INPP5J: variants seen among roughly 807,000 people sequenced by gnomAD.
INPP5J encodes inositol polyphosphate-5-phosphatase J, also known as phosphatidylinositol 4,5-bisphosphate 5-phosphatase A.
A neutral mutation model predicts 86.6 loss-of-function variants in INPP5J; 75 were observed. The ratio of observed to expected loss-of-function variants is 0.87; its 90% confidence interval spans 0.72 to 1.05. INPP5J has a LOEUF of 1.05. Among genes scored for constraint, INPP5J ranks in the 50% least tolerant of loss-of-function variants. The probability of loss-of-function intolerance (pLI) is 0.00; values close to 1 mark genes in which losing one functional copy is unlikely to be tolerated. For synonymous variants in INPP5J, 540 were observed against 550.0 expected (o/e 0.98, Z 0.25); for missense variants, 1,229 against 1,341.2 (o/e 0.92, Z 1.31).
At chr22:31,132,168 G>A (rs574463549) in intron 9 of INPP5J, among the ~76,000 whole-genome samples, 2 of 152,312 alleles carry the variant, frequency 1.3e-5, no homozygotes, top group South Asian at 4.1e-4. Context: ...TGAACCTTGG[G>A]ATGGTTAGAG....
chr22:31,125,884 G>A lies in INPP5J; in HGVS notation c.1145G>A (p.Arg382Lys), dbSNP rs1223955282. ...GGCACACAGAGTACAGGGCCTGGCA[G>A]GTGCCTGAGCCCCAACCTTCAGGCC... is the stretch of plus-strand genomic sequence containing the variant. ...RLGTQSTGPG[R>K]CLSPNLQAQE... The change falls in exon 2 of 13, where the codon AGG (arginine) becomes AAG (lysine). Residue 382 changes from arginine to lysine, a missense_variant. Transcript: ENST00000331075. 2.5e-6 allele frequency: 4 copies of A among 1,611,222 alleles called. No homozygotes were observed. Among genetic ancestry groups the A allele is most frequent in the Non-Finnish European group, 3.4e-6 (4 of 1,178,266 alleles).
In INPP5J at chr22:31,134,409, T is replaced by C; in HGVS notation, c.3011T>C (p.Leu1004Pro). Residue 1004 changes from leucine (L) to proline (P), a missense_variant, in exon 13 of 13, where the codon CTG (leucine) becomes CCG (proline). Coordinates refer to ENST00000331075, the MANE Select transcript of INPP5J (RefSeq NM_001284285.2). Reference protein sequence around the residue: ...QGHRGLEEGGLGP With the variant: ...QGHRGLEEGGPGP ...CATCGGGGGCTGGAGGAAGGGGGCC[T>C]GGGGCCCTGAGGGTGGGGTAGGCAG... 1 of 1,459,620 alleles carries C rather than the reference T, an allele frequency of 6.9e-7. No homozygotes were observed. The highest frequency in any genetic ancestry group is 2.5e-5 in the East Asian group (1 of 40,524). 90.4% of individuals were successfully genotyped at this position (1,459,620 alleles called of 1,614,324 possible). A position where few individuals can be genotyped will look rare whatever the true frequency, so the allele number is the denominator to read the frequency against.
chr22:31,125,379 C>G lies in INPP5J; in HGVS notation c.640C>G (p.Gln214Glu). Residue 214 changes from glutamine to glutamate, a missense_variant, in exon 2 of 13, where the codon CAG (glutamine) becomes GAG (glutamate). By Grantham distance (29) the Gln-to-Glu change is conservative. Transcript: ENST00000331075. ...PVPSPVLSPTQEQALAPASTA... is the reference protein window; with the variant it reads ...PVPSPVLSPTEEQALAPASTA... ...GCCCAGTCCAGTTCTGTCTCCAACT[C>G]AGGAACAGGCCCTGGCTCCAGCATC... 9.7e-6 allele frequency: 15 copies of G among 1,550,618 alleles called. No individual in the cohort carries two copies. The highest frequency in any genetic ancestry group is 1.2e-5 in the Non-Finnish European group (14 of 1,147,002).
At position 31,125,953 on chromosome 22, in the gene INPP5J, C is replaced by T; in HGVS notation, c.1214C>T (p.Thr405Ile). 1 of 1,609,440 alleles carries T rather than the reference C, an allele frequency of 6.2e-7. No individual in the cohort carries two copies. Among genetic ancestry groups the T allele is most frequent in the Non-Finnish European group, 8.5e-7 (1 of 1,176,676 alleles). ...GTCACCACCTCCTCTTCTACATCCA[C>T]CCTGTCATCCTCCCCTTGGTCAGCT... Reference protein sequence around the residue: ...APVTTSSSTSTLSSSPWSAQP... With the variant: ...APVTTSSSTSILSSSPWSAQP... The change falls in exon 2 of 13, where the codon ACC (threonine) becomes ATC (isoleucine). Residue 405 changes from threonine (T) to isoleucine (I), a missense_variant. Transcript: ENST00000331075.
chr22:31,124,009 AG>A (rs1326927440), intron 1 of INPP5J: 6 of 152,302 alleles, frequency 3.9e-5, no homozygotes, highest in Admixed American at 3.3e-4. Flanking sequence ...ACACTTGGTG[AG>A]GATGGACTAT....
Position 31,125,515 on chromosome 22 carries a change from C to T in INPP5J, c.776C>T (p.Thr259Ile), listed in dbSNP as rs1921291430. Residue 259 changes from threonine to isoleucine, a missense_variant, in exon 2 of 13, where the codon ACA (threonine) becomes ATA (isoleucine). Physicochemically the swap from Thr to Ile is moderately conservative, Grantham distance 89. Coordinates refer to ENST00000331075, the MANE Select transcript of INPP5J (RefSeq NM_001284285.2). The part of the protein sequence containing the change: ...SEGHLQPPAQ[T>I]SGPTGSPPCI... ...GGGCATCTCCAGCCTCCAGCTCAGA[C>T]ATCTGGTCCTACAGGCTCCCCACCC... 1 of 1,550,632 alleles carries T rather than the reference C, an allele frequency of 6.4e-7. No homozygotes were observed. The highest frequency in any genetic ancestry group is 1.2e-5 in the South Asian group (1 of 84,062).
In INPP5J at chr22:31,128,211, C is replaced by T. The variant is rs1353346381; in HGVS notation, c.1900-3C>T. The T allele has an allele frequency of 6.3e-7, 1 of 1,587,386 alleles. No homozygotes were observed. The highest frequency in any genetic ancestry group is 1.8e-5 in the Admixed American group (1 of 55,748). ...CCAATCTGCTCTCCTGGACCCCCCA[C>T]AGCTCAACATGGCCAAGAACACCTG... is the stretch of plus-strand genomic sequence containing the variant. On this transcript the variant is annotated splice_region_variant and splice_polypyrimidine_tract_variant and intron_variant, in intron 7 of 12. Coordinates refer to ENST00000331075, the MANE Select transcript of INPP5J (RefSeq NM_001284285.2).
At chr22:31,127,071 A>G in intron 5 of INPP5J, 34 bp downstream of exon 5, 1 of 1,410,932 alleles carries the variant, frequency 7.1e-7, no homozygotes, top group African/African-American at 1.4e-5. Flanking sequence ...AGAGGATGGG[A>G]CATGAAGGGG....
In INPP5J at chr22:31,128,050, G is replaced by A. The variant is rs768520393; in HGVS notation, c.1887G>A (p.Trp629Ter). The change falls in exon 7 of 13, where the codon TGG becomes TGA. Residue 629 changes from tryptophan (W) to a stop codon, truncating the protein, a stop_gained. Coordinates refer to ENST00000331075, the MANE Select transcript of INPP5J (RefSeq NM_001284285.2). LOFTEE classifies it high-confidence loss of function. ...ACAGTGACCAGCTCCATCAGCTCTG[G>A]GAGAAGGACCAGGTGGGGTCCTTGT... ...AIDSDQLHQL[W>*]EKDQLNMAKN... is the part of the protein sequence containing the mutation. 1 of 1,611,884 alleles carries A rather than the reference G, an allele frequency of 6.2e-7. No homozygotes were observed. The highest frequency in any genetic ancestry group is 1.1e-5 in the South Asian group (1 of 91,024).
Position 31,127,021 on chromosome 22 carries a change from G to C in INPP5J, c.1595G>C (p.Gly532Ala), listed in dbSNP as rs758593585. The stretch of plus-strand genomic sequence containing the variant: ...GTGCAGACCGACTGCACGCGCACTG[G>C]CCTGGGCGGCTACTGGGTGAGCCTG... ...RDVQTDCTRTGLGGYWGNKGG... is the reference protein window; with the variant it reads ...RDVQTDCTRTALGGYWGNKGG... The change falls in exon 5 of 13, where the codon GGC (glycine) becomes GCC (alanine). Residue 532 changes from glycine to alanine, a missense_variant. By Grantham distance (60) the Gly-to-Ala change is moderately conservative. Transcript: ENST00000331075. 6.2e-7 allele frequency: 1 copy of C among 1,601,116 alleles called. No individual in the cohort carries two copies.
Position 31,130,357 on chromosome 22 carries a change from A to G in INPP5J, c.2193+1703A>G, listed in dbSNP as rs183795370. Among the ~76,000 whole-genome samples the G allele has an allele frequency of 2.0e-3, 311 of 152,052 alleles. 1 individual carries two copies. The Middle Eastern group carries it at 0.027, about 13-fold the overall frequency. ...ACTGTGTCTCAGGGAAAAAATAAAA[A>G]TAAAAATAAAATTTAGCTAGGTGGT... On this transcript the variant is annotated intron_variant, in intron 9 of 12. Transcript: ENST00000331075.
chr22:31,134,297 G>A lies in INPP5J; in HGVS notation c.2899G>A (p.Glu967Lys). 1 of 1,555,468 alleles carries A rather than the reference G, an allele frequency of 6.4e-7. No individual in the cohort carries two copies. The highest frequency in any genetic ancestry group is 1.2e-5 in the South Asian group (1 of 84,276). Residue 967 changes from glutamate to lysine, a missense_variant, in exon 13 of 13, where the codon GAG (glutamate) becomes AAG (lysine). Transcript: ENST00000331075. ...GGGCCTGTTGCCCGCCTTGCGCCTA[G>A]AGACTGTAGACCCTGGTGGTGGTGG... ...SLGLLPALRL[E>K]TVDPGGGGSW...
Position 31,123,035 on chromosome 22 carries a change from G to A in INPP5J, c.21G>A (p.Arg7=). The part of the protein sequence containing the change: MEGQSS[R]GSRRPGTRAG... The stretch of plus-strand genomic sequence containing the variant: ...CAGACATGGAGGGCCAGAGCAGCAG[G>A]GGCAGCAGGAGGCCAGGGACCCGGG... Residue 7 remains arginine, a synonymous_variant, in exon 1 of 13, where the codon AGG becomes AGA. Transcript: ENST00000331075. 6 of 1,472,324 alleles carry A rather than the reference G, an allele frequency of 4.1e-6. No homozygotes were observed. The highest frequency in any genetic ancestry group is 5.4e-6 in the Non-Finnish European group (6 of 1,114,758). 91.2% of individuals were successfully genotyped at this position (1,472,324 alleles called of 1,614,324 possible).
chr22:31,128,673 C>A lies in INPP5J; in HGVS notation c.2193+19C>A. ...CCTGCAGGTGAGTTCTGGCCTCATC[C>A]TCCCCGCATGAAATCCCCAGGCCCA... On this transcript the variant is annotated intron_variant, in intron 9 of 12. Transcript: ENST00000331075. 1 of 1,547,124 alleles carries A rather than the reference C, an allele frequency of 6.5e-7. No individual in the cohort carries two copies. The highest frequency in any genetic ancestry group is 1.2e-5 in the South Asian group (1 of 80,548).
chr22:31,126,408 C>A lies in INPP5J; in HGVS notation c.1304C>A (p.Ala435Asp). The change falls in exon 3 of 13, where the codon GCC becomes GAC. Residue 435 changes from alanine (A) to aspartate (D), a missense_variant. Transcript: ENST00000331075. ...GTGGTCACATGGAACGTGGGCACTGCCATGCCCCCAGACGATGTCACATCC... is the reference window on the plus strand; with the variant it reads ...GTGGTCACATGGAACGTGGGCACTGACATGCCCCCAGACGATGTCACATCC... ...ITVVTWNVGTAMPPDDVTSLL... is the reference protein window; with the variant it reads ...ITVVTWNVGTDMPPDDVTSLL... 1 of 1,613,792 alleles carries A rather than the reference C, an allele frequency of 6.2e-7. No homozygotes were observed. The highest frequency in any genetic ancestry group is 8.5e-7 in the Non-Finnish European group (1 of 1,179,832).
chr22:31,129,776 C>T (rs900877347), intron 9 of INPP5J, among the ~76,000 whole-genome samples: 13 of 150,060 alleles, frequency 8.7e-5, no homozygotes, highest in Non-Finnish European at 1.5e-4. Context: ...TCCTGACCTC[C>T]GGTGATCTGC....
At chr22:31,128,128 G>C in intron 7 of INPP5J, 66 bp downstream of exon 7, 1 of 1,457,250 alleles carries the variant, frequency 6.9e-7, no homozygotes, top group African/African-American at 1.4e-5. Context: ...TTAGACTATG[G>C]TCCCTGTCCT....
At chr22:31,132,012 C>A (rs1370190053) in intron 9 of INPP5J, among the ~76,000 whole-genome samples, 1 of 152,256 alleles carries the variant, frequency 6.6e-6, no homozygotes, top group Non-Finnish European at 1.5e-5. Flanking sequence ...CCTGCCACCT[C>A]AGCAGCTCCA....
Position 31,125,812 on chromosome 22 carries a change from G to A in INPP5J, c.1073G>A (p.Arg358His), listed in dbSNP as rs201675306. The A allele has an allele frequency of 6.6e-5, 105 of 1,596,674 alleles. No individual in the cohort carries two copies. In the Middle Eastern group the frequency reaches 8.2e-4, roughly 13 times the overall value. ...CGTTCCCCAAGCCACTCCCCGAATCGCTCTCCCTGTGTTCCCCCAGCCCCT... is the reference window on the plus strand; with the variant it reads ...CGTTCCCCAAGCCACTCCCCGAATCACTCTCCCTGTGTTCCCCCAGCCCCT... Reference protein sequence around the residue: ...PSRSPSHSPNRSPCVPPAPDM... With the variant: ...PSRSPSHSPNHSPCVPPAPDM... Residue 358 changes from arginine to histidine, a missense_variant, in exon 2 of 13, where the codon CGC becomes CAC. By Grantham distance (29) the Arg-to-His change is conservative (BLOSUM62 0). Coordinates refer to ENST00000331075, the MANE Select transcript of INPP5J (RefSeq NM_001284285.2).
Sources: allele counts gnomAD v4.1 joint callset (sites outside exome capture counted in the v4.1 genomes callset), GRCh38; gene constraint gnomAD v4.1.1; transcripts MANE v1.5; gene names NCBI Gene and HGNC (gene_info 2026-07-23, HGNC 2026-07-21).